ABL1: variants seen among roughly 807,000 people sequenced by gnomAD.
ABL1 encodes tyrosine-protein kinase ABL1.
ABL1 carries 11 observed loss-of-function variants against 94.7 expected under a neutral mutation model. That is an observed-to-expected ratio of 0.12 (90% CI 0.07 to 0.19). The LOEUF is 0.19. Among genes scored for constraint, ABL1 ranks in the 10% least tolerant of loss-of-function variants. The pLI, the probability that ABL1 is intolerant of heterozygous loss-of-function variation, is 1.00. For missense variants in ABL1, 1,082 were observed against 1,489.4 expected (o/e 0.73, Z 4.50); for synonymous variants, 656 against 622.4 (o/e 1.05, Z -0.80).
At chr9:130,822,515 C>G (rs1422323892) in intron 1 of ABL1, among the ~76,000 whole-genome samples, 1 of 146,786 alleles carries the variant, frequency 6.8e-6, no homozygotes, top group African/African-American at 2.5e-5. Context: ...CTCCTGGGCT[C>G]AAGTGCTCCT....
intron 1 of ABL1, among the ~76,000 whole-genome samples, chr9:130,772,047 C>A (rs562491665): frequency 6.6e-6 from 1 of 152,288 alleles, no homozygotes; most frequent in East Asian, 1.9e-4. Context: ...AGCCACTGCG[C>A]CCAGCCAAAA....
chr9:130,887,521 G>A lies in ABL1; in HGVS notation c.*1838G>A, dbSNP rs34448359. On this transcript the variant is annotated 3_prime_UTR_variant, in exon 11 of 11. Transcript: ENST00000318560. ...CTTTTCTAAGTGGCGTGTGCATAGC[G>A]TCCTGCCCTGCCCCCTCGGGGGCCT... 1.1e-3 allele frequency: 249 copies of A among 233,090 alleles called. 1 individual carries two copies. Among genetic ancestry groups the A allele is most frequent in the Non-Finnish European group, 1.7e-3 (196 of 117,908 alleles). 14.4% of individuals were successfully genotyped at this position (233,090 alleles called of 1,614,324 possible).
chr9:130,735,961 A>ATATATATATATTTTTTTTTTT (rs573602038), intron 1 of ABL1, among the ~76,000 whole-genome samples: 1 of 94,886 alleles, frequency 1.1e-5, no homozygotes, highest in African/African-American at 6.4e-5. Flanking sequence ...ATATATATAT[A>ATATATATATATTTTTTTTTTT]TTTTTTTTTT....
intron 6 of ABL1, 66 bp from the exon 7 acceptor site, chr9:130,874,802 A>G (rs1831313693): frequency 9.8e-6 from 15 of 1,522,980 alleles, no homozygotes; most frequent in Middle Eastern, 1.7e-4. Flanking sequence ...TTTGCTCAGC[A>G]GTGGTGGATT....
chr9:130,865,248 G>A (rs1831135382), intron 4 of ABL1, among the ~76,000 whole-genome samples: 1 of 152,204 alleles, frequency 6.6e-6, no homozygotes, highest in Non-Finnish European at 1.5e-5. Context: ...GTGGATTTCT[G>A]TGGGCAGTCA....
intron 1 of ABL1, among the ~76,000 whole-genome samples, chr9:130,816,261 C>T (rs1830284741): frequency 6.6e-6 from 1 of 152,178 alleles, no homozygotes; most frequent in East Asian, 1.9e-4. Context: ...GTAGTTCACT[C>T]TTCACCTCCT....
intron 1 of ABL1, among the ~76,000 whole-genome samples, chr9:130,802,755 G>C (rs994349988): frequency 6.6e-6 from 1 of 152,156 alleles, no homozygotes; most frequent in African/African-American, 2.4e-5. Context: ...TTCTTTGTAT[G>C]GTGGGTAGTT....
intron 6 of ABL1, 63 bp downstream of exon 6, chr9:130,873,100 TACA>T: frequency 6.5e-7 from 1 of 1,541,444 alleles, no homozygotes; most frequent in South Asian, 1.2e-5. Flanking sequence ...GGCAGCCTTT[TACA>T]AAAAGCCCCA....
At chr9:130,731,844 TTGATCCTAGAAA>T (rs1253321609) in intron 1 of ABL1, among the ~76,000 whole-genome samples, 1 of 152,160 alleles carries the variant, frequency 6.6e-6, no homozygotes, top group East Asian at 1.9e-4. Context: ...ATAGGTTTCT[TTGATCCTAGAAA>T]TGAATAATAG....
intron 1 of ABL1, among the ~76,000 whole-genome samples, chr9:130,785,744 G>A (rs137901348): frequency 0.01 from 1,536 of 151,848 alleles, 27 homozygotes; most frequent in African/African-American, 0.036. Context: ...CCAACATGGT[G>A]AAACCCCGTC....
chr9:130,839,544 TA>T, intron 1 of ABL1, among the ~76,000 whole-genome samples: 1 of 152,324 alleles, frequency 6.6e-6, no homozygotes. Context: ...CAGCCTCACT[TA>T]ATTTTCACAC....
At chr9:130,841,171 A>G (rs1830664127) in intron 1 of ABL1, among the ~76,000 whole-genome samples, 2 of 150,780 alleles carry the variant, frequency 1.3e-5, no homozygotes. Flanking sequence ...TTTTGAGACA[A>G]GAGTCTCACT....
At chr9:130,846,099 GTGTGTGTGTGCT>G (rs1055946783) in intron 1 of ABL1, among the ~76,000 whole-genome samples, 2 of 146,256 alleles carry the variant, frequency 1.4e-5, no homozygotes, top group Non-Finnish European at 3.1e-5. Context: ...GTGTGTGTGT[GTGTGTGTGTGCT>G]TGTGTGTGTG....
At chr9:130,780,932 C>G (rs987619864) in intron 1 of ABL1, among the ~76,000 whole-genome samples, 5 of 152,178 alleles carry the variant, frequency 3.3e-5, no homozygotes, top group Non-Finnish European at 7.4e-5. Flanking sequence ...GAGAGTGTTC[C>G]CATCTCCTGC....
At chr9:130,825,744 CTTTAAG>C (rs1386940262) in intron 1 of ABL1, among the ~76,000 whole-genome samples, 4 of 152,226 alleles carry the variant, frequency 2.6e-5, no homozygotes, top group African/African-American at 4.8e-5. Context: ...GGCAAAATCT[CTTTAAG>C]TTTAATTCAA....
intron 1 of ABL1, among the ~76,000 whole-genome samples, chr9:130,852,789 T>C (rs1205073707): frequency 6.6e-6 from 1 of 152,240 alleles, no homozygotes; most frequent in East Asian, 1.9e-4. Flanking sequence ...TTCCAACTTT[T>C]AGAATCTGTT....
At chr9:130,718,163 C>CA (rs1373847799) in intron 1 of ABL1, among the ~76,000 whole-genome samples, 6 of 149,044 alleles carry the variant, frequency 4.0e-5, no homozygotes, top group Non-Finnish European at 8.9e-5. Flanking sequence ...ACTAAAAATA[C>CA]AAAAATTAGA....
intron 1 of ABL1, among the ~76,000 whole-genome samples, chr9:130,783,505 G>A (rs890069426): frequency 6.6e-6 from 1 of 152,178 alleles, no homozygotes; most frequent in Non-Finnish European, 1.5e-5. Flanking sequence ...AAGTGGCTGT[G>A]AATTAGAAAT....
At chr9:130,853,935 T>C in intron 1 of ABL1, 129 bp from the exon 2 acceptor site, 5 of 918,546 alleles carry the variant, frequency 5.4e-6, no homozygotes, top group Non-Finnish European at 8.1e-6. Flanking sequence ...TATGTACAGA[T>C]GTTAAGAAAT....
Sources: allele counts gnomAD v4.1 joint callset (sites outside exome capture counted in the v4.1 genomes callset), GRCh38; gene constraint gnomAD v4.1.1; transcripts MANE v1.5; gene names NCBI Gene and HGNC (gene_info 2026-07-23, HGNC 2026-07-21).